The following TGFBR3 variants were observed in gnomAD, a reference collection of about 807,000 sequenced individuals.
The protein encoded by TGFBR3 is transforming growth factor beta receptor 3.
TGFBR3 carries 46 observed loss-of-function variants against 87.9 expected under a neutral mutation model. The ratio of observed to expected loss-of-function variants is 0.52; its 90% CI spans 0.41 to 0.67. TGFBR3 has a LOEUF of 0.67. TGFBR3 is among the 30% of genes least tolerant of loss of function. The pLI, the probability that TGFBR3 is intolerant of heterozygous loss-of-function variation, is 0.00. For synonymous variants in TGFBR3, 381 were observed against 391.6 expected (o/e 0.97, Z 0.32); for missense variants, 866 against 1,041.9 (o/e 0.83, Z 2.32).
chr1:91,830,777 C>T lies in TGFBR3; in HGVS notation c.61+30694G>A, dbSNP rs191868523. Among the ~76,000 whole-genome samples, 27 of 152,180 alleles carry T rather than the reference C, an allele frequency of 1.8e-4. 1 individual carries two copies. The highest frequency in any genetic ancestry group is 2.0e-4 in the Admixed American group (3 of 15,296). ...TTCCTCCTTGTGGCTTCAACAGTCC[C>T]CAGAGCAGTGAGAGGGCACAGGGTC... is the stretch of plus-strand genomic sequence containing the variant. On this transcript the variant is annotated intron_variant, in intron 2 of 16. Transcript: ENST00000212355.
chr1:91,861,527 G>A lies in TGFBR3; in HGVS notation c.5C>T (p.Thr2Ile), dbSNP rs1047965444. The A allele has an allele frequency of 6.2e-6, 10 of 1,613,578 alleles. 1 individual carries two copies. Among genetic ancestry groups the A allele is most frequent in the African/African-American group, 4.0e-5 (3 of 75,040 alleles). Reference protein sequence around the residue: MTSHYVIAIFAL... With the variant: MISHYVIAIFAL... ...AAAGATGGCAATCACATAATGGGAA[G>A]TCATTTTTATTTCTCCAACAGTGCG... Residue 2 changes from threonine to isoleucine, a missense_variant, in exon 2 of 17, where the codon ACT (threonine) becomes ATT (isoleucine). Physicochemically the swap from Thr to Ile is moderately conservative, Grantham distance 89 (BLOSUM62 -1). Transcript: ENST00000212355.
intron 13 of TGFBR3, among the ~76,000 whole-genome samples, chr1:91,709,572 C>T (rs994262251): frequency 1.3e-5 from 2 of 152,122 alleles, no homozygotes; most frequent in Non-Finnish European, 2.9e-5. Context: ...GGGTCATCTG[C>T]TTTTAATGTT....
chr1:91,700,102 G>A (rs983760219), intron 14 of TGFBR3, among the ~76,000 whole-genome samples: 2 of 152,192 alleles, frequency 1.3e-5, no homozygotes, highest in East Asian at 1.9e-4. Flanking sequence ...CTTTCATGCT[G>A]TAACAGCAGC....
chr1:91,883,593 T>C (rs565041593), intron 1 of TGFBR3, among the ~76,000 whole-genome samples: 166 of 152,268 alleles, frequency 1.1e-3, no homozygotes, highest in African/African-American at 3.9e-3. Flanking sequence ...TATTGACTAA[T>C]ATTCAAAATA....
chr1:91,777,626 C>T (rs11165476), intron 3 of TGFBR3, among the ~76,000 whole-genome samples: 20,285 of 151,152 alleles, frequency 0.13, 1,718 homozygotes, highest in East Asian at 0.25. Context: ...GCCCCACATC[C>T]CCCTAACATG....
chr1:91,890,727 A>G (rs1347494075), upstream of TGFBR3, among the ~76,000 whole-genome samples: 1 of 151,148 alleles, frequency 6.6e-6, no homozygotes, highest in Non-Finnish European at 1.5e-5. Context: ...TATTATCCTC[A>G]TTTTACAGAT....
At chr1:91,789,871 G>A (rs527595306) in intron 3 of TGFBR3, among the ~76,000 whole-genome samples, 18 of 152,246 alleles carry the variant, frequency 1.2e-4, no homozygotes, top group African/African-American at 4.3e-4. Flanking sequence ...ACCTTCACAC[G>A]ACCTAGCAGG....
At chr1:91,889,657 T>C (rs1369649283), upstream of TGFBR3, among the ~76,000 whole-genome samples, 1 of 151,668 alleles carries the variant, frequency 6.6e-6, no homozygotes, top group Non-Finnish European at 1.5e-5. Context: ...TAAAAAAGGG[T>C]TCCCCTACCT....
chr1:91,886,237 C>CG (rs960262995), upstream of TGFBR3: 9 of 446,754 alleles, frequency 2.0e-5, no homozygotes, highest in Non-Finnish European at 3.6e-5. Flanking sequence ...AATCAGCGCG[C>CG]GGGGGGAAGG....
chr1:91,888,125 T>C (rs1679374903), upstream of TGFBR3, among the ~76,000 whole-genome samples: 1 of 152,202 alleles, frequency 6.6e-6, no homozygotes, highest in African/African-American at 2.4e-5. Flanking sequence ...CGAGATCTGA[T>C]GGCTTTAAAA....
intron 4 of TGFBR3, among the ~76,000 whole-genome samples, chr1:91,740,090 G>A (rs1673109485): frequency 6.6e-6 from 1 of 152,154 alleles, no homozygotes; most frequent in Non-Finnish European, 1.5e-5. Context: ...ATGGAGTCTT[G>A]CTCTTGTCAC....
intron 3 of TGFBR3, among the ~76,000 whole-genome samples, chr1:91,785,671 A>C (rs1674929390): frequency 1.3e-5 from 2 of 151,884 alleles, no homozygotes; most frequent in Admixed American, 1.3e-4. Flanking sequence ...CAACAACACT[A>C]ATTTGACTTT....
At chr1:91,749,005 C>T (rs1040611890) in intron 4 of TGFBR3, among the ~76,000 whole-genome samples, 2 of 152,142 alleles carry the variant, frequency 1.3e-5, no homozygotes, top group African/African-American at 4.8e-5. Context: ...TATGTATCCT[C>T]ACATTGGGCC....
rs375803552 is a variant in TGFBR3 at position 91,883,958 on chromosome 1, C to G, written c.-114+1920G>C. ...CCCTGCCTCCTGTGCCAACCCCAAG[C>G]TGTTTCCTAAGGAAGCCAAGTAATG... On this transcript the variant is annotated intron_variant, in intron 1 of 16. Transcript: ENST00000212355. 3.9e-5 allele frequency among the ~76,000 whole-genome samples: 6 copies of G among 152,282 alleles called. No individual in the cohort carries two copies. In the South Asian group the frequency reaches 8.3e-4, roughly 21 times the overall value.
intron 3 of TGFBR3, among the ~76,000 whole-genome samples, chr1:91,788,278 A>G (rs1675049256): frequency 6.6e-6 from 1 of 152,216 alleles, no homozygotes; most frequent in Admixed American, 6.5e-5. Flanking sequence ...TAGTCCTAGC[A>G]GCCCTTGAGT....
intron 2 of TGFBR3, among the ~76,000 whole-genome samples, chr1:91,822,193 G>A (rs1285530336): frequency 6.7e-6 from 1 of 150,106 alleles, no homozygotes; most frequent in Admixed American, 6.7e-5. Flanking sequence ...AATCTGGAGA[G>A]ATGATAGACA....
intron 1 of TGFBR3, among the ~76,000 whole-genome samples, chr1:91,872,373 C>T (rs1571591733): frequency 6.6e-6 from 1 of 152,304 alleles, no homozygotes; most frequent in African/African-American, 2.4e-5. Context: ...TCAGCAGAAG[C>T]AAGCAGAAAT....
At chr1:91,868,401 A>C (rs1678457739) in intron 1 of TGFBR3, among the ~76,000 whole-genome samples, 1 of 152,194 alleles carries the variant, frequency 6.6e-6, no homozygotes, top group South Asian at 2.1e-4. Context: ...AATTCCCTCC[A>C]TCACAAAAAA....
chr1:91,879,415 G>GC (rs1678986987), intron 1 of TGFBR3, among the ~76,000 whole-genome samples: 1 of 151,966 alleles, frequency 6.6e-6, no homozygotes, highest in East Asian at 1.9e-4. Flanking sequence ...TCCCTGCCCT[G>GC]CCCCCCGACA....
Sources: gnomAD v4.1 joint callset for allele counts (sites outside exome capture counted in the v4.1 genomes callset) on GRCh38, gnomAD v4.1.1 for gene constraint, MANE v1.5 for transcripts, NCBI Gene and HGNC (gene_info 2026-07-23, HGNC 2026-07-21) for gene names.